ARHGEF3: variants seen among roughly 807,000 people sequenced by gnomAD.
The protein encoded by ARHGEF3 is 59.8 kDA protein.
ARHGEF3 carries 28 observed loss-of-function variants against 63.2 expected under a neutral mutation model. The observed-to-expected ratio is 0.44, with a 90% CI of 0.33 to 0.61. The LOEUF (loss-of-function observed/expected upper bound fraction) is 0.61, where lower values mean the gene tolerates loss of function less well. ARHGEF3 is among the 20% of genes least tolerant of loss of function. The pLI, the probability that ARHGEF3 is intolerant of heterozygous loss-of-function variation, is 0.03. For synonymous variants in ARHGEF3, 266 were observed against 254.2 expected (o/e 1.05, Z -0.44); for missense variants, 533 against 659.3 (o/e 0.81, Z 2.10).
chr3:56,730,147 T>C (rs1370283558), intron 9 of ARHGEF3, among the ~76,000 whole-genome samples: 1 of 152,202 alleles, frequency 6.6e-6, no homozygotes, highest in Non-Finnish European at 1.5e-5. Context: ...TAATCTGTAA[T>C]TTCAACAAGT....
chr3:57,019,309 C>T (rs766906056), intron 2 of ARHGEF3, among the ~76,000 whole-genome samples: 10 of 152,200 alleles, frequency 6.6e-5, no homozygotes, highest in Non-Finnish European at 1.0e-4. Context: ...CACCTCCCTT[C>T]CCGGCACAAT....
In ARHGEF3 at chr3:56,873,142, G is replaced by A. The variant is rs547121715; in HGVS notation, c.192+9150C>T. 3.7e-3 allele frequency among the ~76,000 whole-genome samples: 567 copies of A among 151,856 alleles called. 4 individuals carry two copies. The highest frequency in any genetic ancestry group is 0.013 in the African/African-American group (539 of 41,404). On this transcript the variant is annotated intron_variant, in intron 4 of 12. Coordinates refer to the ARHGEF3 transcript ENST00000338458. ...GCCTCCCAAGTAGCTAGGACTACAG[G>A]TGCATGCCACCACACTCAGCTAAGT...
chr3:56,751,269 G>A, intron 5 of ARHGEF3, 31 bp downstream of exon 5: 1 of 1,584,710 alleles, frequency 6.3e-7, no homozygotes, highest in Non-Finnish European at 8.7e-7. Flanking sequence ...AAGGCTACAA[G>A]TCACGACTCA....
chr3:56,959,309 T>A (rs1050889274), intron 2 of ARHGEF3, among the ~76,000 whole-genome samples: 2 of 151,972 alleles, frequency 1.3e-5, no homozygotes, highest in African/African-American at 4.8e-5. Context: ...CAACAAGGGG[T>A]ACATTTGAGC....
At chr3:57,058,324 T>G (rs1246191141) in intron 1 of ARHGEF3, among the ~76,000 whole-genome samples, 1 of 152,226 alleles carries the variant, frequency 6.6e-6, no homozygotes, top group Non-Finnish European at 1.5e-5. Context: ...GAAATGCCAT[T>G]ACAGTTTTAC....
chr3:56,749,120 G>C (rs958807054), intron 6 of ARHGEF3, among the ~76,000 whole-genome samples: 1 of 152,278 alleles, frequency 6.6e-6, no homozygotes, highest in South Asian at 2.1e-4. Flanking sequence ...TTAACAGCTT[G>C]TCAGGCCTGA....
intron 8 of ARHGEF3, among the ~76,000 whole-genome samples, chr3:56,734,369 T>C (rs1302550889): frequency 1.3e-5 from 2 of 152,152 alleles, no homozygotes; most frequent in Non-Finnish European, 2.9e-5. Context: ...GGGAGCTAAA[T>C]CTTGGGTTCA....
chr3:57,055,226 A>T (rs1704869874), intron 1 of ARHGEF3, among the ~76,000 whole-genome samples: 1 of 145,770 alleles, frequency 6.9e-6, no homozygotes, highest in African/African-American at 2.6e-5. Context: ...CAGTGGCGTG[A>T]TCTCAGCTCA....
intron 2 of ARHGEF3, among the ~76,000 whole-genome samples, chr3:56,999,946 G>C (rs1454370014): frequency 2.4e-4 from 36 of 152,148 alleles, no homozygotes. Flanking sequence ...AACAAGTCCT[G>C]TTTTGCTCCA....
intron 3 of ARHGEF3, among the ~76,000 whole-genome samples, chr3:56,921,050 A>G (rs550161308): frequency 0.022 from 2,099 of 95,004 alleles, 19 homozygotes; most frequent in Non-Finnish European, 0.03. Flanking sequence ...GCGAGACTCC[A>G]TCTCAAAAAA....
At chr3:56,923,381 G>A (rs2042201884) in intron 3 of ARHGEF3, among the ~76,000 whole-genome samples, 1 of 151,002 alleles carries the variant, frequency 6.6e-6, no homozygotes, top group Non-Finnish European at 1.5e-5. Flanking sequence ...GAAATTTTTT[G>A]GTGTAACGAT....
intron 2 of ARHGEF3, chr3:56,960,785 A>G (rs1700246743): frequency 6.6e-6 from 1 of 152,190 alleles, no homozygotes; most frequent in African/African-American, 2.4e-5. Flanking sequence ...TTTATGTTTC[A>G]TACCCTTCTC....
Position 56,946,154 on chromosome 3 carries a change from T to C in ARHGEF3, c.129+12669A>G, listed in dbSNP as rs145759435. On this transcript the variant is annotated intron_variant, in intron 3 of 12. Coordinates refer to the ARHGEF3 transcript ENST00000338458. ...CGTCACCATCATCAAAGACCAAAGG[T>C]AGATAAAACCACAAAGATGGGGAAA... Among the ~76,000 whole-genome samples the C allele has an allele frequency of 2.1e-4, 32 of 151,904 alleles. No individual in the cohort carries two copies. In the East Asian group the frequency reaches 5.6e-3, roughly 27 times the overall value.
intron 1 of ARHGEF3, among the ~76,000 whole-genome samples, chr3:57,070,600 T>G (rs552549454): frequency 6.6e-6 from 1 of 152,138 alleles, no homozygotes; most frequent in Non-Finnish European, 1.5e-5. Context: ...GGTCTCTTTT[T>G]GCAGAAACTA....
chr3:56,970,097 G>A (rs906261214), intron 2 of ARHGEF3, among the ~76,000 whole-genome samples: 9 of 152,160 alleles, frequency 5.9e-5, no homozygotes, highest in African/African-American at 2.2e-4. Context: ...GTGATGAAAA[G>A]GTTCTGGAAT....
chr3:57,043,900 C>G (rs1268211165), intron 1 of ARHGEF3, among the ~76,000 whole-genome samples: 1 of 152,242 alleles, frequency 6.6e-6, no homozygotes, highest in African/African-American at 2.4e-5. Context: ...TGCATTTCTA[C>G]TCCATCATCC....
chr3:57,069,648 CT>C (rs11336340), intron 1 of ARHGEF3, among the ~76,000 whole-genome samples: 131,790 of 151,382 alleles, frequency 0.87, 57,392 homozygotes, highest in East Asian at 0.96. Flanking sequence ...GTAAACTAAG[CT>C]TTTTTTTTTC....
intron 4 of ARHGEF3, among the ~76,000 whole-genome samples, chr3:56,869,950 T>C (rs190593048): frequency 6.6e-6 from 1 of 152,064 alleles, no homozygotes; most frequent in African/African-American, 2.4e-5. Context: ...ATTCTTTAAA[T>C]TCACAACTAC....
intron 4 of ARHGEF3, among the ~76,000 whole-genome samples, chr3:56,812,777 T>C (rs1204538738): frequency 6.6e-6 from 1 of 152,228 alleles, no homozygotes; most frequent in Non-Finnish European, 1.5e-5. Context: ...GAACTTTTTA[T>C]TCAAAGAAGC....
Sources: gnomAD v4.1 joint callset for allele counts (sites outside exome capture counted in the v4.1 genomes callset) on GRCh38, gnomAD v4.1.1 for gene constraint, MANE v1.5 for transcripts, NCBI Gene and HGNC (gene_info 2026-07-23, HGNC 2026-07-21) for gene names.